WAPL: variants seen among roughly 807,000 people sequenced by gnomAD.
WAPL encodes the protein wings apart-like protein homolog.
WAPL carries 5 observed loss-of-function variants against 121.0 expected under a neutral mutation model. The observed-to-expected ratio is 0.04, with a 90% CI of 0.02 to 0.09. The LOEUF (loss-of-function observed/expected upper bound fraction) is 0.09. Ranked by LOEUF, WAPL falls within the 10% of genes least tolerant of loss-of-function variation. The pLI is 1.00. For missense variants in WAPL, 999 were observed against 1,410.8 expected (o/e 0.71, Z 4.68); for synonymous variants, 480 against 481.5 (o/e 1.00, Z 0.04).
intron 4 of WAPL, among the ~76,000 whole-genome samples, chr10:86,495,501 C>T (rs1842132206): frequency 2.0e-5 from 3 of 151,570 alleles, no homozygotes; most frequent in Admixed American, 2.0e-4. Flanking sequence ...TGGCCCTAAC[C>T]TTACACCATA....
intron 9 of WAPL, among the ~76,000 whole-genome samples, chr10:86,462,907 T>C (rs992724341): frequency 6.6e-6 from 1 of 152,158 alleles, no homozygotes; most frequent in African/African-American, 2.4e-5. Context: ...GAGGCATTCT[T>C]TGTTTAGAAG....
In WAPL at chr10:86,437,742, G is replaced by A. The variant is rs544561815; in HGVS notation, c.3508-134C>T. The A allele has an allele frequency of 3.8e-6, 4 of 1,052,404 alleles. No individual in the cohort carries two copies. In the South Asian group the frequency reaches 5.1e-5, roughly 13 times the overall value. 65.2% of individuals were successfully genotyped at this position (1,052,404 alleles called of 1,614,324 possible). ...AAAGTACACCGAGATTAAATTGTGG[G>A]TTTGATAAAGTTATTTGCCATAACA... On this transcript the variant is annotated intron_variant, in intron 18 of 18. Coordinates refer to ENST00000298767, the MANE Select transcript of WAPL (RefSeq NM_015045.5).
intron 2 of WAPL, among the ~76,000 whole-genome samples, chr10:86,512,346 C>G (rs908040013): frequency 6.6e-6 from 1 of 152,220 alleles, no homozygotes; most frequent in African/African-American, 2.4e-5. Context: ...CTGTAGTTAT[C>G]TCAATATTTG....
At chr10:86,479,794 A>T (rs1841739978) in intron 4 of WAPL, among the ~76,000 whole-genome samples, 1 of 152,194 alleles carries the variant, frequency 6.6e-6, no homozygotes, top group African/African-American at 2.4e-5. Context: ...ACAGTACTTT[A>T]GCGGCAATTC....
intron 12 of WAPL, among the ~76,000 whole-genome samples, chr10:86,456,566 T>G (rs911655636): frequency 6.6e-6 from 1 of 152,236 alleles, no homozygotes; most frequent in Non-Finnish European, 1.5e-5. Flanking sequence ...TGATTCTTCA[T>G]GCATTATATA....
At position 86,500,261 on chromosome 10, in the gene WAPL, C is replaced by T. The variant is rs1842222151; in HGVS notation, c.982G>A (p.Glu328Lys). Residue 328 changes from glutamate to lysine, a missense_variant, in exon 3 of 19, where the codon GAA becomes AAA. Physicochemically the swap from Glu to Lys is moderately conservative, Grantham distance 56. This residue lies in a region of WAPL where 531 missense variants were observed against 563.1 expected (regional missense o/e 0.94). Coordinates refer to ENST00000298767, the MANE Select transcript of WAPL (RefSeq NM_015045.5). The stretch of plus-strand genomic sequence containing the variant: ...TGATTCAGGCCATCTTTACTCGATT[C>T]ACTGTTTGCTTTGGCTAAGGCCTGA... ...TSQALAKANS[E>K]SSKDGLNQAK... The T allele has an allele frequency of 2.5e-6, 4 of 1,614,076 alleles. No individual in the cohort carries two copies. Among genetic ancestry groups the T allele is most frequent in the Non-Finnish European group, 3.4e-6 (4 of 1,180,046 alleles).
At position 86,500,468 on chromosome 10, in the gene WAPL, G is replaced by T. The variant is rs755016186; in HGVS notation, c.775C>A (p.Pro259Thr). ...TCGTCATCCTTCATCTCCAAAAGGGGATCACTATCCAAACTTAAAATACAG... is the reference window on the plus strand; with the variant it reads ...TCGTCATCCTTCATCTCCAAAAGGGTATCACTATCCAAACTTAAAATACAG... Reference protein sequence around the residue: ...EDCILSLDSDPLLEMKDDDFK... With the variant: ...EDCILSLDSDTLLEMKDDDFK... The change falls in exon 3 of 19, where the codon CCC (proline) becomes ACC (threonine). Residue 259 changes from proline (P) to threonine (T), a missense_variant. By Grantham distance (38) the Pro-to-Thr change is conservative. Around this residue, in one of 7 missense-constraint regions of WAPL, gnomAD observed 531 missense variants for 563.1 expected, o/e 0.94. Transcript: ENST00000298767. 1 of 1,614,046 alleles carries T rather than the reference G, an allele frequency of 6.2e-7. No homozygotes were observed. Among genetic ancestry groups the T allele is most frequent in the African/African-American group, 1.3e-5 (1 of 74,918 alleles).
chr10:86,447,592 T>C (rs1849654723), intron 15 of WAPL, among the ~76,000 whole-genome samples: 1 of 151,324 alleles, frequency 6.6e-6, no homozygotes, highest in South Asian at 2.1e-4. Flanking sequence ...TGGGGACTCT[T>C]ATAAAAAAAA....
At chr10:86,438,163 T>C (rs1450119494) in intron 17 of WAPL, 148 bp from the exon 18 acceptor site, 5 of 522,650 alleles carry the variant, frequency 9.6e-6, no homozygotes, top group African/African-American at 3.8e-5. Flanking sequence ...CCACACTCAC[T>C]CTGCATGTGA....
chr10:86,452,216 T>TA (rs377410346), intron 14 of WAPL, 85 bp from the exon 15 acceptor site: 1 of 1,316,960 alleles, frequency 7.6e-7, no homozygotes, highest in African/African-American at 1.5e-5. Flanking sequence ...TAATGGCAAC[T>TA]AAAAAGCTGA....
At chr10:86,475,875 C>T (rs919933751) in intron 4 of WAPL, among the ~76,000 whole-genome samples, 4 of 152,176 alleles carry the variant, frequency 2.6e-5, no homozygotes, top group African/African-American at 9.7e-5. Flanking sequence ...AAGCATTTTA[C>T]TTCTTTTTAA....
chr10:86,443,382 A>T lies in WAPL; in HGVS notation c.3323-19T>A. 1 of 1,611,850 alleles carries T rather than the reference A, an allele frequency of 6.2e-7. No homozygotes were observed. The highest frequency in any genetic ancestry group is 8.5e-7 in the Non-Finnish European group (1 of 1,178,116). ...TGAAGGGCTGAGAGAATTGAAGTAA[A>T]GAATTGTAACAGTATATTAATTAAC... is the stretch of plus-strand genomic sequence containing the variant. On this transcript the variant is annotated intron_variant, in intron 16 of 18. Transcript: ENST00000298767.
intron 12 of WAPL, among the ~76,000 whole-genome samples, chr10:86,454,715 C>T (rs1469663517): frequency 6.7e-6 from 1 of 150,260 alleles, no homozygotes; most frequent in Non-Finnish European, 1.5e-5. Flanking sequence ...TGTGAGGAGG[C>T]CCTCTGCCCG....
intron 10 of WAPL, among the ~76,000 whole-genome samples, chr10:86,460,885 G>A (rs1289652958): frequency 6.6e-6 from 1 of 152,030 alleles, no homozygotes; most frequent in African/African-American, 2.4e-5. Flanking sequence ...GGCTAGTTTT[G>A]TATTTTTAGT....
At chr10:86,495,890 G>T (rs1450468048) in intron 4 of WAPL, among the ~76,000 whole-genome samples, 1 of 152,170 alleles carries the variant, frequency 6.6e-6, no homozygotes, top group Non-Finnish European at 1.5e-5. Flanking sequence ...CGAGGCAAGT[G>T]TATCACCTGA....
At chr10:86,442,413 T>C (rs1055493011) in intron 17 of WAPL, among the ~76,000 whole-genome samples, 2 of 152,220 alleles carry the variant, frequency 1.3e-5, no homozygotes, top group Non-Finnish European at 1.5e-5. Context: ...TTTAATATTA[T>C]ATACTATTTT....
intron 4 of WAPL, among the ~76,000 whole-genome samples, chr10:86,495,929 A>T (rs1300852551): frequency 6.6e-6 from 1 of 152,168 alleles, no homozygotes; most frequent in Non-Finnish European, 1.5e-5. Context: ...AGCCTGACAA[A>T]CATGATGAAA....
chr10:86,460,537 G>T (rs899468572), intron 10 of WAPL, 41 bp from the exon 11 acceptor site: 4 of 1,503,924 alleles, frequency 2.7e-6, no homozygotes, highest in Non-Finnish European at 2.8e-6. Context: ...ATTTATCATC[G>T]ATACTTACCA....
intron 4 of WAPL, among the ~76,000 whole-genome samples, chr10:86,490,035 G>A (rs1589525970): frequency 6.6e-6 from 1 of 152,058 alleles, no homozygotes; most frequent in South Asian, 2.1e-4. Context: ...GCAAACAGGT[G>A]AAACCCCATA....
Sources: allele counts gnomAD v4.1 joint callset (sites outside exome capture counted in the v4.1 genomes callset), GRCh38; gene constraint gnomAD v4.1.1; regional missense constraint gnomAD v4.1.1; transcripts MANE v1.5; gene names NCBI Gene and HGNC (gene_info 2026-07-23, HGNC 2026-07-21).